SPDYE21: variants seen among roughly 807,000 people sequenced by gnomAD.
SPDYE21 encodes the protein speedy protein E21.
SPDYE21 carries 14 observed loss-of-function variants against 36.2 expected under a neutral mutation model. The observed-to-expected ratio is 0.39, with a 90% CI of 0.26 to 0.61. SPDYE21 has a LOEUF of 0.61. Ranked by LOEUF, SPDYE21 falls within the 20% of genes least tolerant of loss-of-function variation. The pLI is 0.55. For missense variants in SPDYE21, 233 were observed against 424.6 expected, an observed-to-expected ratio of 0.55 and a Z score of 3.97; for synonymous variants, 58 against 155.1, an observed-to-expected ratio of 0.37 and a Z score of 4.65.
chr7:67,285,408 T>C (rs1802712602), intron 6 of SPDYE21, among the ~76,000 whole-genome samples: 1 of 150,664 alleles, frequency 6.6e-6, no homozygotes, highest in African/African-American at 2.4e-5. Context: ...GTTTGTTTAT[T>C]GAGACAGAGT....
At chr7:67,278,949 C>T (rs10258134) in intron 2 of SPDYE21, among the ~76,000 whole-genome samples, 76 bp downstream of exon 2, 23,552 of 148,896 alleles carry the variant, frequency 0.16, 1,294 homozygotes, top group African/African-American at 0.24. Flanking sequence ...CGGTGGCTCA[C>T]GCCTGTAACC....
chr7:67,277,195 C>T (rs1021531021), intron 1 of SPDYE21, among the ~76,000 whole-genome samples, 133 bp downstream of exon 1: 9 of 152,064 alleles, frequency 5.9e-5, no homozygotes, highest in South Asian at 2.1e-4. Flanking sequence ...TGAGTAGCTG[C>T]GATTACAGGC....
intron 5 of SPDYE21, 71 bp from the exon 6 acceptor site, chr7:67,283,842 T>A: frequency 1.0e-6 from 1 of 994,996 alleles, no homozygotes; most frequent in Non-Finnish European, 1.6e-6. Context: ...CAGACCCTCA[T>A]TCCCCCTCTC....
At position 67,286,079 on chromosome 7, in the gene SPDYE21, A is replaced by C. The variant is rs1345790388; in HGVS notation, c.791A>C (p.Asp264Ala). 1.2e-6 allele frequency: 2 copies of C among 1,613,576 alleles called. No homozygotes were observed. Among genetic ancestry groups the C allele is most frequent in the East Asian group, 4.5e-5 (2 of 44,868 alleles). ...AATGACATGGAGGAGGACGACGAGG[A>C]CTCCAAACAAAACATCTTCCACTTC... is the stretch of plus-strand genomic sequence containing the variant. Reference protein sequence around the residue: ...LANDMEEDDEDSKQNIFHFLY... With the variant: ...LANDMEEDDEASKQNIFHFLY... The change falls in exon 7 of 9, where the codon GAC becomes GCC. Residue 264 changes from aspartate to alanine, a missense_variant. By Grantham distance (126) the Asp-to-Ala change is moderately radical. Coordinates refer to ENST00000424157, the MANE Select transcript of SPDYE21 (RefSeq NM_001382715.2).
intron 4 of SPDYE21, 94 bp from the exon 5 acceptor site, chr7:67,282,541 G>C: frequency 6.3e-7 from 1 of 1,575,174 alleles, no homozygotes; most frequent in African/African-American, 1.3e-5. Context: ...ACAATCCTGA[G>C]ACTTCCCCCC....
chr7:67,279,430 T>C (rs1296707317), intron 2 of SPDYE21, among the ~76,000 whole-genome samples: 4 of 149,814 alleles, frequency 2.7e-5, no homozygotes, highest in Non-Finnish European at 5.9e-5. Flanking sequence ...GGCAGGCACC[T>C]GTAATCCCAG....
At chr7:67,282,020 C>T (rs1345931375) in intron 4 of SPDYE21, among the ~76,000 whole-genome samples, 1 of 152,042 alleles carries the variant, frequency 6.6e-6, no homozygotes, top group Admixed American at 6.6e-5. Context: ...GTAATCCCAG[C>T]TACTCGGGAG....
intron 1 of SPDYE21, among the ~76,000 whole-genome samples, chr7:67,277,635 A>G (rs1802562702): frequency 6.6e-6 from 1 of 151,326 alleles, no homozygotes; most frequent in African/African-American, 2.4e-5. Flanking sequence ...TGTTGCCTAT[A>G]CTGGTCTTGA....
intron 3 of SPDYE21, among the ~76,000 whole-genome samples, chr7:67,281,096 CAACAAAAAAAAAA>C (rs1232594119): frequency 3.1e-5 from 2 of 63,566 alleles, no homozygotes; most frequent in Non-Finnish European, 3.0e-5. Flanking sequence ...ACAACAACAA[CAACAAAAAAAAAA>C]AAAAAAAAAA....
Position 67,286,284 on chromosome 7 carries a change from C to T in SPDYE21, c.996C>T (p.Pro332=). ...PRARKYRSRI[P]LVRKRRFQLR... is the part of the protein sequence containing the mutation. ...CCAGGAAGTACCGCTCTCGCATACC[C>T]TTGGTCCGTAAGCGTCGGTTCCAGT... Residue 332 remains proline (P), a synonymous_variant, in exon 7 of 9, where the codon CCC becomes CCT. Coordinates refer to ENST00000424157, the MANE Select transcript of SPDYE21 (RefSeq NM_001382715.2). 6.3e-7 allele frequency: 1 copy of T among 1,592,948 alleles called. No homozygotes were observed. The highest frequency in any genetic ancestry group is 1.1e-5 in the South Asian group (1 of 89,048).
In SPDYE21 at chr7:67,286,331, G is replaced by A. The variant is rs1350131773; in HGVS notation, c.1043G>A (p.Arg348Lys). The A allele has an allele frequency of 2.5e-6, 4 of 1,613,760 alleles. No homozygotes were observed. Among genetic ancestry groups the A allele is most frequent in the African/African-American group, 1.3e-5 (1 of 74,940 alleles). The change falls in exon 7 of 9, where the codon AGG becomes AAG. Residue 348 changes from arginine to lysine, a missense_variant. Arg to Lys is a conservative substitution (Grantham distance 26). Around this residue, in one of 4 missense-constraint regions of SPDYE21, gnomAD observed 139 missense variants for 175.8 expected, o/e 0.79. Coordinates refer to ENST00000424157, the MANE Select transcript of SPDYE21 (RefSeq NM_001382715.2). ...CAGTTACGCCGTTGCATGAACCCGA[G>A]GGCCAGGAAGAACCGCTCTCAGATA... ...RFQLRRCMNPRARKNRSQIVL... is the reference protein window; with the variant it reads ...RFQLRRCMNPKARKNRSQIVL...
chr7:67,286,329 G>T lies in SPDYE21; in HGVS notation c.1041G>T (p.Pro347=), dbSNP rs1226905243. ...TCCAGTTACGCCGTTGCATGAACCC[G>T]AGGGCCAGGAAGAACCGCTCTCAGA... ...RRFQLRRCMN[P]RARKNRSQIV... Residue 347 remains proline, a synonymous_variant, in exon 7 of 9, where the codon CCG becomes CCT. Coordinates refer to ENST00000424157, the MANE Select transcript of SPDYE21 (RefSeq NM_001382715.2). 2 of 1,613,822 alleles carry T rather than the reference G, an allele frequency of 1.2e-6. No individual in the cohort carries two copies. The highest frequency in any genetic ancestry group is 1.7e-6 in the Non-Finnish European group (2 of 1,180,008).
chr7:67,286,397 T>C lies in SPDYE21; in HGVS notation c.1109T>C (p.Met370Thr), dbSNP rs1481212353. Residue 370 changes from methionine to threonine, a missense_variant, in exon 7 of 9, where the codon ATG (methionine) becomes ACG (threonine). Physicochemically the swap from Met to Thr is moderately conservative, Grantham distance 81. Transcript: ENST00000424157. Reference protein sequence around the residue: ...QKLRFQFFCSMSGRAWVSPEE... With the variant: ...QKLRFQFFCSTSGRAWVSPEE... ...CTTCGGTTCCAGTTCTTCTGTTCCA[T>C]GAGCGGCAGGGCTTGGGTTTCCCCG... Among the ~76,000 whole-genome samples, 1 of 151,978 alleles carries C rather than the reference T, an allele frequency of 6.6e-6. No homozygotes were observed. The highest frequency in any genetic ancestry group is 1.5e-5 in the Non-Finnish European group (1 of 68,010).
chr7:67,281,118 A>G (rs11984268), intron 3 of SPDYE21, among the ~76,000 whole-genome samples: 1 of 142,076 alleles, frequency 7.0e-6, no homozygotes, highest in African/African-American at 2.5e-5. Context: ...AAAAAAAAAA[A>G]AAAAAAGGGA....
rs1010042822 is a variant in SPDYE21, at chr7:67,288,171, A to T, written c.*699A>T. On this transcript the variant is annotated 3_prime_UTR_variant, in exon 9 of 9. Transcript: ENST00000424157. Reference sequence around the variant, plus strand: ...ATCCTAAATATTTTATTATCTTTAAATTTTTTTCTGTATTATTATATGTGC... The same window carrying T: ...ATCCTAAATATTTTATTATCTTTAATTTTTTTTCTGTATTATTATATGTGC... Among the ~76,000 whole-genome samples, 3 of 151,360 alleles carry T rather than the reference A, an allele frequency of 2.0e-5. No homozygotes were observed. Among genetic ancestry groups the T allele is most frequent in the Non-Finnish European group, 4.4e-5 (3 of 67,836 alleles).
chr7:67,284,408 C>G (rs1802692472), intron 6 of SPDYE21, among the ~76,000 whole-genome samples: 7 of 136,512 alleles, frequency 5.1e-5, no homozygotes, highest in Admixed American at 4.7e-4. Flanking sequence ...AAGGTCGAGC[C>G]ACTGCACTCC....
At chr7:67,284,363 C>G (rs1802691638) in intron 6 of SPDYE21, among the ~76,000 whole-genome samples, 1 of 148,122 alleles carries the variant, frequency 6.8e-6, no homozygotes, top group Admixed American at 6.9e-5. Flanking sequence ...GCAAGAGAAC[C>G]CTTTGAACCC....
chr7:67,281,099 C>CAACAACAACAACAAA (rs1353730949), intron 3 of SPDYE21, among the ~76,000 whole-genome samples: 1 of 43,768 alleles, frequency 2.3e-5, no homozygotes, highest in African/African-American at 8.6e-5. Flanking sequence ...ACAACAACAA[C>CAACAACAACAACAAA]AAAAAAAAAA....
In SPDYE21 at chr7:67,280,031, A is replaced by T. The variant is rs1411288828; in HGVS notation, c.374A>T (p.Gln125Leu). Residue 125 changes from glutamine to leucine, a missense_variant, in exon 3 of 9, where the codon CAG becomes CTG. Coordinates refer to ENST00000424157, the MANE Select transcript of SPDYE21 (RefSeq NM_001382715.2). ...GAGCACCACAAGGACTTCAACAGTC[A>T]GCTTGGTAGGAGGACACCCCAGAGA... ...LPEHHKDFNS[Q>L]LAPGVDPSPP... The T allele has an allele frequency of 4.4e-6, 7 of 1,584,210 alleles. No individual in the cohort carries two copies. In the South Asian group the frequency reaches 7.9e-5, roughly 18 times the overall value.
Sources: allele counts gnomAD v4.1 joint callset (sites outside exome capture counted in the v4.1 genomes callset), GRCh38; gene constraint gnomAD v4.1.1; regional missense constraint gnomAD v4.1.1; transcripts MANE v1.5; gene names NCBI Gene and HGNC (gene_info 2026-07-23, HGNC 2026-07-21).